Variants in SLC7A1 observed in about 807,000 individuals in gnomAD.
SLC7A1 encodes the protein high affinity cationic amino acid transporter 1.
A neutral mutation model predicts 53.9 loss-of-function variants in SLC7A1; 10 were observed. That is an observed-to-expected ratio of 0.19 (90% CI 0.11 to 0.31). The LOEUF is 0.31. Ranked by LOEUF, SLC7A1 falls within the 10% of genes least tolerant of loss-of-function variation. SLC7A1 has a pLI of 1.00. For synonymous variants in SLC7A1, 342 were observed against 338.7 expected, an observed-to-expected ratio of 1.01 and a Z score of -0.11; for missense variants, 525 against 827.2, an observed-to-expected ratio of 0.63 and a Z score of 4.48.
chr13:29,559,755 G>C (rs747973475), intron 1 of SLC7A1, among the ~76,000 whole-genome samples: 79 of 148,136 alleles, frequency 5.3e-4, no homozygotes, highest in Non-Finnish European at 8.7e-4. Flanking sequence ...TCGCTCTGTC[G>C]CTCAGGCTGG....
At chr13:29,574,091 T>C (rs1233575066) in intron 1 of SLC7A1, among the ~76,000 whole-genome samples, 1 of 151,968 alleles carries the variant, frequency 6.6e-6, no homozygotes. Flanking sequence ...CCACAGGGGG[T>C]GAGGACTGAG....
chr13:29,516,430 C>T (rs772953209), intron 11 of SLC7A1, among the ~76,000 whole-genome samples, 184 bp from the exon 12 acceptor site: 28 of 152,236 alleles, frequency 1.8e-4, no homozygotes, highest in Non-Finnish European at 3.8e-4. Flanking sequence ...CAAACACACA[C>T]ACAAACACAC....
At position 29,514,503 on chromosome 13, in the gene SLC7A1, C is replaced by T. The variant is rs141199906; in HGVS notation, c.1867G>A (p.Gly623Ser). 205 of 1,610,592 alleles carry T rather than the reference C, an allele frequency of 1.3e-4. No individual in the cohort carries two copies. The East Asian group carries it at 2.2e-3, about 17-fold the overall frequency. The change falls in exon 13 of 13, where the codon GGC becomes AGC. Residue 623 changes from glycine (G) to serine (S), a missense_variant. Coordinates refer to ENST00000380752, the MANE Select transcript of SLC7A1 (RefSeq NM_003045.5). Reference protein sequence around the residue: ...LDADQARTPDGNLDQCK With the variant: ...LDADQARTPDSNLDQCK ...CGTCACTTGCACTGGTCCAAGTTGC[C>T]GTCAGGAGTCCTTGCTTGGTCGGCA...
intron 2 of SLC7A1, among the ~76,000 whole-genome samples, chr13:29,537,170 G>C (rs1226944200): frequency 1.3e-5 from 2 of 152,232 alleles, no homozygotes; most frequent in South Asian, 2.1e-4. Context: ...CAGGATGGAA[G>C]GGTGGGGGTG....
chr13:29,517,487 C>A, intron 10 of SLC7A1, 86 bp downstream of exon 10: 1 of 1,281,398 alleles, frequency 7.8e-7, no homozygotes, highest in South Asian at 1.3e-5. Context: ...CTCATCTTCT[C>A]TGGCACCTTC....
intron 2 of SLC7A1, among the ~76,000 whole-genome samples, chr13:29,541,176 G>A (rs1003975379): frequency 3.9e-5 from 6 of 152,230 alleles, no homozygotes; most frequent in African/African-American, 1.2e-4. Context: ...CCAGATGTTA[G>A]GAGGCCCAGG....
chr13:29,532,858 G>T lies in SLC7A1; in HGVS notation c.495C>A (p.Asp165Glu). ...NAPGVLAENP[D>E]IFAVIIILIL... Reference sequence around the variant, plus strand: ...TGAGAATTATGATCACTGCGAATATGTCGGGGTTTTCAGCCAGCACGCCGG... The same window carrying T: ...TGAGAATTATGATCACTGCGAATATTTCGGGGTTTTCAGCCAGCACGCCGG... Residue 165 changes from aspartate (D) to glutamate (E), a missense_variant, in exon 4 of 13, where the codon GAC (aspartate) becomes GAA (glutamate). Around this residue, in one of 4 missense-constraint regions of SLC7A1, gnomAD observed 354 missense variants for 587.5 expected, o/e 0.60. Transcript: ENST00000380752. 1 of 1,614,074 alleles carries T rather than the reference G, an allele frequency of 6.2e-7. No homozygotes were observed. The highest frequency in any genetic ancestry group is 8.5e-7 in the Non-Finnish European group (1 of 1,179,958).
At chr13:29,593,262 G>A (rs1566281126) in intron 1 of SLC7A1, among the ~76,000 whole-genome samples, 1 of 152,058 alleles carries the variant, frequency 6.6e-6, no homozygotes, top group Non-Finnish European at 1.5e-5. Context: ...GACCTTTCTC[G>A]TCCTTCCATG....
intron 8 of SLC7A1, 125 bp downstream of exon 8, chr13:29,522,191 TA>T: frequency 2.0e-6 from 2 of 991,872 alleles, no homozygotes; most frequent in Non-Finnish European, 3.1e-6. Flanking sequence ...GCTCCAAGTA[TA>T]AAAACCAGGA....
At chr13:29,538,115 G>A (rs960043808) in intron 2 of SLC7A1, among the ~76,000 whole-genome samples, 1 of 152,170 alleles carries the variant, frequency 6.6e-6, no homozygotes, top group Non-Finnish European at 1.5e-5. Context: ...GAGCTAGAAT[G>A]GGGAATAAAA....
At position 29,576,308 on chromosome 13, in the gene SLC7A1, G is replaced by A. The variant is rs55820736; in HGVS notation, c.-115+19108C>T. On this transcript the variant is annotated intron_variant, in intron 1 of 12. Transcript: ENST00000380752. ...TCCTGTTTTTTAAAAAAAAAAAAAA[G>A]GAAAGAAAACAAAAGAAATTTAAAG... is the stretch of plus-strand genomic sequence containing the variant. Among the ~76,000 whole-genome samples, 417 of 50,732 alleles carry A rather than the reference G, an allele frequency of 8.2e-3. 5 individuals are homozygous for A. The highest frequency in any genetic ancestry group is 0.027 in the African/African-American group (355 of 13,018). The allele number at this position is 50,732 out of a possible 152,430, so 33.3% of individuals were successfully genotyped here.
chr13:29,546,975 G>C (rs1460314511), intron 2 of SLC7A1, among the ~76,000 whole-genome samples: 1 of 152,082 alleles, frequency 6.6e-6, no homozygotes, highest in Non-Finnish European at 1.5e-5. Context: ...AGTGTAGCTG[G>C]CAGATTATAT....
At chr13:29,580,287 C>T (rs923840763) in intron 1 of SLC7A1, among the ~76,000 whole-genome samples, 7 of 152,130 alleles carry the variant, frequency 4.6e-5, no homozygotes, top group South Asian at 2.1e-4. Context: ...GGAGGACTCC[C>T]GAGGCCAGGC....
At chr13:29,547,528 CAT>C (rs1869975298) in intron 2 of SLC7A1, among the ~76,000 whole-genome samples, 1 of 152,102 alleles carries the variant, frequency 6.6e-6, no homozygotes, top group Non-Finnish European at 1.5e-5. Context: ...AAAATTATAA[CAT>C]AAAAATAAGT....
chr13:29,540,648 G>C (rs557101660), intron 2 of SLC7A1, among the ~76,000 whole-genome samples: 1 of 152,158 alleles, frequency 6.6e-6, no homozygotes, highest in African/African-American at 2.4e-5. Flanking sequence ...TACGACACTC[G>C]GAAATGCCCT....
chr13:29,572,289 G>A (rs1315475026), intron 1 of SLC7A1, among the ~76,000 whole-genome samples: 1 of 152,242 alleles, frequency 6.6e-6, no homozygotes, highest in East Asian at 1.9e-4. Context: ...GGCAGAGCCA[G>A]GACGCTTCAC....
chr13:29,566,249 G>T (rs1209135214), intron 1 of SLC7A1, among the ~76,000 whole-genome samples: 2 of 152,114 alleles, frequency 1.3e-5, no homozygotes, highest in East Asian at 3.8e-4. Context: ...AGTGCACAGA[G>T]GTACAATACA....
chr13:29,542,527 T>C (rs1326928876), intron 2 of SLC7A1, among the ~76,000 whole-genome samples: 1 of 151,346 alleles, frequency 6.6e-6, no homozygotes, highest in Non-Finnish European at 1.5e-5. Context: ...CTACAAAAAA[T>C]TTAAAATTAG....
rs111528364 is a variant in SLC7A1, at chr13:29,523,613, A to G, written c.827-125T>C. On this transcript the variant is annotated intron_variant, in intron 6 of 12. Coordinates refer to ENST00000380752, the MANE Select transcript of SLC7A1 (RefSeq NM_003045.5). ...ACCCTACGAGAAACCTCCCTCCAGC[A>G]CTCAGCCCTGTGGGCACTGGGGCCT... The G allele has an allele frequency of 6.8e-3, 4,787 of 707,066 alleles. 142 individuals are homozygous for G. The African/African-American group carries it at 0.076, about 11-fold the overall frequency. 43.8% of individuals were successfully genotyped at this position (707,066 alleles called of 1,614,324 possible). A position where few individuals can be genotyped will look rare whatever the true frequency, so the allele number is the denominator to read the frequency against.
Sources: gnomAD v4.1 joint callset for allele counts (sites outside exome capture counted in the v4.1 genomes callset) on GRCh38, gnomAD v4.1.1 for gene constraint, gnomAD v4.1.1 regional missense constraint, MANE v1.5 for transcripts, NCBI Gene and HGNC (gene_info 2026-07-23, HGNC 2026-07-21) for gene names.